The following DOCK5 variants were observed in gnomAD, a reference collection of about 807,000 sequenced individuals.
DOCK5 encodes dedicator of cytokinesis 5, also known as dedicator of cytokinesis protein 5.
A neutral mutation model predicts 251.8 loss-of-function variants in DOCK5; 142 were observed. The ratio of observed to expected loss-of-function variants is 0.56; its 90% confidence interval spans 0.49 to 0.65. The LOEUF is 0.65. Ranked by LOEUF, DOCK5 falls within the 30% of genes least tolerant of loss-of-function variation. DOCK5 has a pLI of 0.00. For synonymous variants in DOCK5, 842 were observed against 835.5 expected (o/e 1.01, Z -0.13); for missense variants, 2,111 against 2,312.3 (o/e 0.91, Z 1.79).
In DOCK5 at chr8:25,379,873, CCCAT is replaced by C. The variant is rs752746594; in HGVS notation, c.3937-431_3937-428del. On this transcript the variant is annotated intron_variant, in intron 38 of 51. Transcript: ENST00000276440. ...CTACACACACACACACACACACACA[CCCAT>C]ACACACACCTGTACACACACATTTC... 6.1e-3 allele frequency among the ~76,000 whole-genome samples: 916 copies of C among 149,668 alleles called. 14 individuals carry two copies. Among genetic ancestry groups the C allele is most frequent in the African/African-American group, 0.022 (884 of 40,830 alleles).
intron 14 of DOCK5, 92 bp downstream of exon 14, chr8:25,317,223 C>G (rs1406773993): frequency 1.9e-6 from 3 of 1,542,824 alleles, no homozygotes; most frequent in South Asian, 1.2e-5. Context: ...TTCTTTGCAT[C>G]AGGATGGGTT....
chr8:25,323,373 G>C (rs959412925), intron 16 of DOCK5, among the ~76,000 whole-genome samples: 1 of 152,222 alleles, frequency 6.6e-6, no homozygotes, highest in South Asian at 2.1e-4. Flanking sequence ...CAGCGTGGTT[G>C]ACATGATTGG....
At chr8:25,195,318 C>T (rs1172513520) in intron 1 of DOCK5, among the ~76,000 whole-genome samples, 1 of 146,904 alleles carries the variant, frequency 6.8e-6, no homozygotes, top group East Asian at 2.0e-4. Context: ...GTCTTGAACT[C>T]CTGGCCTCAA....
intron 1 of DOCK5, among the ~76,000 whole-genome samples, chr8:25,236,683 C>T (rs1017948248): frequency 6.6e-5 from 10 of 152,078 alleles, no homozygotes; most frequent in African/African-American, 1.4e-4. Flanking sequence ...CAGGTTCAAG[C>T]GATTCTCCTG....
intron 31 of DOCK5, among the ~76,000 whole-genome samples, chr8:25,367,831 G>C (rs1453825218): frequency 6.6e-6 from 1 of 152,126 alleles, no homozygotes; most frequent in African/African-American, 2.4e-5. Flanking sequence ...TTAGTCACCT[G>C]TTAGGCATTA....
At chr8:25,227,613 A>C (rs1802562539) in intron 1 of DOCK5, among the ~76,000 whole-genome samples, 1 of 152,280 alleles carries the variant, frequency 6.6e-6, no homozygotes, top group African/African-American at 2.4e-5. Flanking sequence ...GTGAACTCTC[A>C]GATACTTTTT....
intron 11 of DOCK5, among the ~76,000 whole-genome samples, chr8:25,306,221 C>T (rs2117175070): frequency 6.6e-6 from 1 of 152,224 alleles, no homozygotes; most frequent in Admixed American, 6.5e-5. Flanking sequence ...TTGTATGCTA[C>T]CACCTATATA....
intron 18 of DOCK5, among the ~76,000 whole-genome samples, chr8:25,330,840 C>T (rs149061552): frequency 6.0e-4 from 91 of 152,074 alleles, no homozygotes; most frequent in Middle Eastern, 3.4e-3. Flanking sequence ...TCTGGGAGGC[C>T]GAGGCAGGAG....
intron 1 of DOCK5, among the ~76,000 whole-genome samples, chr8:25,212,440 G>A (rs1802132356): frequency 1.4e-5 from 1 of 70,614 alleles, no homozygotes. Context: ...GTGTGCTAAG[G>A]GCCACGGGCA....
rs769186384 is a variant in DOCK5 at position 25,319,617 on chromosome 8, G to C, written c.1483G>C (p.Glu495Gln). 6.3e-7 allele frequency: 1 copy of C among 1,591,124 alleles called. No homozygotes were observed. Among genetic ancestry groups the C allele is most frequent in the Admixed American group, 1.8e-5 (1 of 56,724 alleles). ...HPGAGYEGIS[E>Q]YKSVVYYQVK... is the part of the protein sequence containing the mutation. ...TGGTGCTGGATATGAAGGCATTTCA[G>C]AATACAAATCAGTAGTCTATTACCA... Residue 495 changes from glutamate to glutamine, a missense_variant, in exon 15 of 52, where the codon GAA becomes CAA. By Grantham distance (29) the Glu-to-Gln change is conservative. This residue lies in a region of DOCK5 where 1,717 missense variants were observed against 1,892.4 expected (regional missense o/e 0.91). Transcript: ENST00000276440.
At chr8:25,263,739 C>T (rs17053268) in intron 2 of DOCK5, among the ~76,000 whole-genome samples, 25,444 of 151,484 alleles carry the variant, frequency 0.17, 2,520 homozygotes, top group Admixed American at 0.25. Flanking sequence ...ATGCCCACCT[C>T]GGTCCCCCTG....
intron 1 of DOCK5, among the ~76,000 whole-genome samples, chr8:25,221,360 G>A (rs1381695156): frequency 6.6e-6 from 1 of 152,294 alleles, no homozygotes; most frequent in East Asian, 1.9e-4. Context: ...CCAGGCTGGA[G>A]TACAGTGGCA....
chr8:25,230,574 G>C (rs1481825841), intron 1 of DOCK5, among the ~76,000 whole-genome samples: 1 of 152,004 alleles, frequency 6.6e-6, no homozygotes, highest in Admixed American at 6.6e-5. Flanking sequence ...TACCAGGCTG[G>C]GCATGGTGAC....
chr8:25,225,521 A>C (rs757142087), intron 1 of DOCK5, among the ~76,000 whole-genome samples: 4 of 152,170 alleles, frequency 2.6e-5, no homozygotes, highest in Non-Finnish European at 5.9e-5. Flanking sequence ...CCTGGCTAAC[A>C]CAGTGAAACC....
chr8:25,360,936 T>C (rs1328753803), intron 28 of DOCK5, among the ~76,000 whole-genome samples: 2 of 152,076 alleles, frequency 1.3e-5, no homozygotes, highest in African/African-American at 4.8e-5. Context: ...TATTATGTAA[T>C]TAAAAGAGGA....
At chr8:25,272,019 A>G (rs1803925099) in intron 3 of DOCK5, among the ~76,000 whole-genome samples, 1 of 152,206 alleles carries the variant, frequency 6.6e-6, no homozygotes, top group African/African-American at 2.4e-5. Flanking sequence ...ATACATACAT[A>G]CATATATACA....
chr8:25,364,294 G>A (rs1800739016), intron 29 of DOCK5, among the ~76,000 whole-genome samples: 2 of 152,102 alleles, frequency 1.3e-5, no homozygotes, highest in Non-Finnish European at 2.9e-5. Context: ...AATTACACCA[G>A]AAACCCTAAG....
At chr8:25,263,804 C>CA (rs1803660089) in intron 2 of DOCK5, among the ~76,000 whole-genome samples, 1 of 151,808 alleles carries the variant, frequency 6.6e-6, no homozygotes, top group Admixed American at 6.5e-5. Context: ...AGCCTTCCCC[C>CA]ACTGCGAATG....
chr8:25,375,178 G>A (rs7825158), intron 37 of DOCK5: 90,250 of 199,106 alleles, frequency 0.45, 21,187 homozygotes, highest in Middle Eastern at 0.55. Flanking sequence ...TGAACAAGGC[G>A]GTAACAGGAA....
Sources: gnomAD v4.1 joint callset for allele counts (sites outside exome capture counted in the v4.1 genomes callset) on GRCh38, gnomAD v4.1.1 for gene constraint, gnomAD v4.1.1 regional missense constraint, MANE v1.5 for transcripts, NCBI Gene and HGNC (gene_info 2026-07-23, HGNC 2026-07-21) for gene names.